Variants in CCDC73 observed in about 807,000 individuals in gnomAD.
The protein encoded by CCDC73 is coiled-coil domain containing 73.
A neutral mutation model predicts 116.5 loss-of-function variants in CCDC73; 95 were observed. The observed-to-expected ratio is 0.82, with a 90% CI of 0.69 to 0.97. CCDC73 has a LOEUF of 0.97. Among genes scored for constraint, CCDC73 ranks in the 50% least tolerant of loss-of-function variants. CCDC73 has a pLI of 0.00. For missense variants in CCDC73, 1,066 were observed against 1,206.8 expected (o/e 0.88, Z 1.73); for synonymous variants, 398 against 401.3 (o/e 0.99, Z 0.10).
At chr11:32,639,410 A>C (rs1855712244) in intron 13 of CCDC73, among the ~76,000 whole-genome samples, 1 of 152,060 alleles carries the variant, frequency 6.6e-6, no homozygotes, top group African/African-American at 2.4e-5. Flanking sequence ...AGTGTCTAAC[A>C]CATAGTATAT....
chr11:32,603,522 C>T (rs1855304707), intron 17 of CCDC73: 1 of 152,236 alleles, frequency 6.6e-6, no homozygotes, highest in Non-Finnish European at 1.5e-5. Context: ...GTATTATTTG[C>T]TGCTAGCGTT....
rs1855471537 is a variant in CCDC73 at position 32,616,098 on chromosome 11, T to C, written c.1217A>G (p.Glu406Gly). 5 of 1,582,224 alleles carry C rather than the reference T, an allele frequency of 3.2e-6. No homozygotes were observed. Among genetic ancestry groups the C allele is most frequent in the Non-Finnish European group, 4.3e-6 (5 of 1,169,122 alleles). Residue 406 changes from glutamate to glycine, a missense_variant, in exon 15 of 18, where the codon GAA (glutamate) becomes GGA (glycine). By Grantham distance (98) the Glu-to-Gly change is moderately conservative (BLOSUM62 -2). Coordinates refer to ENST00000335185, the MANE Select transcript of CCDC73 (RefSeq NM_001008391.4). ...NVPEVNNENS[E>G]MSTEKSENTI... Reference sequence around the variant, plus strand: ...GTTTTCTGATTTTTCAGTTGACATTTCACTGTTTTCATTATTTACTTCTGG... The same window carrying C: ...GTTTTCTGATTTTTCAGTTGACATTCCACTGTTTTCATTATTTACTTCTGG...
chr11:32,782,593 TA>T (rs1430671485), intron 1 of CCDC73, among the ~76,000 whole-genome samples: 1 of 152,172 alleles, frequency 6.6e-6, no homozygotes, highest in Admixed American at 6.5e-5. Flanking sequence ...GTGTCTAATT[TA>T]AAAGACAAAG....
the CCDC73 span, among the ~76,000 whole-genome samples, chr11:32,818,957 G>A: frequency 1.3e-5 from 2 of 152,076 alleles, no homozygotes; most frequent in African/African-American, 4.8e-5. Context: ...CTTCTTTTGG[G>A]GGCCATGAAA....
At chr11:32,801,031 C>G in the CCDC73 span, among the ~76,000 whole-genome samples, 1 of 152,100 alleles carries the variant, frequency 6.6e-6, no homozygotes, top group South Asian at 2.1e-4. Flanking sequence ...TTGTTTTGCC[C>G]TCCTCCAGTG....
At chr11:32,655,120 G>GA (rs1855860484) in intron 9 of CCDC73, 148 bp from the exon 10 acceptor site, 1 of 95,036 alleles carries the variant, frequency 1.1e-5, no homozygotes, top group Non-Finnish European at 2.0e-5. Flanking sequence ...GATTAGCCAA[G>GA]GTGGGAACAT....
intron 1 of CCDC73, among the ~76,000 whole-genome samples, chr11:32,766,638 C>A (rs1347427515): frequency 6.6e-6 from 1 of 152,152 alleles, no homozygotes; most frequent in Non-Finnish European, 1.5e-5. Flanking sequence ...AATACAAAAT[C>A]AATGTGCAAA....
Position 32,612,843 on chromosome 11 carries a change from TC to T in CCDC73, c.2896+578del, listed in dbSNP as rs34529090. Among the ~76,000 whole-genome samples the T allele has an allele frequency of 2.0e-5, 3 of 152,090 alleles. No individual in the cohort carries two copies. The South Asian group carries it at 6.2e-4, about 32-fold the overall frequency. On this transcript the variant is annotated intron_variant, in intron 16 of 17. Coordinates refer to ENST00000335185, the MANE Select transcript of CCDC73 (RefSeq NM_001008391.4). ...CATATGTATTTCATCCATTTACCTCTCCCCCCATTTTTTCTGGAGTATTTTA... is the reference window on the plus strand; with the variant it reads ...CATATGTATTTCATCCATTTACCTCTCCCCCATTTTTTCTGGAGTATTTTA...
At chr11:32,758,881 G>A (rs1324536606) in intron 2 of CCDC73, among the ~76,000 whole-genome samples, 1 of 152,032 alleles carries the variant, frequency 6.6e-6, no homozygotes, top group African/African-American at 2.4e-5. Context: ...ACCATTTTTA[G>A]CAGAATTTCA....
At chr11:32,690,984 C>T (rs1004868271) in intron 6 of CCDC73, among the ~76,000 whole-genome samples, 1 of 151,826 alleles carries the variant, frequency 6.6e-6, no homozygotes, top group East Asian at 1.9e-4. Flanking sequence ...AGTATTTTTA[C>T]TGCCCTAAAA....
intron 13 of CCDC73, among the ~76,000 whole-genome samples, chr11:32,636,632 G>C (rs1027987259): frequency 5.3e-5 from 8 of 151,946 alleles, no homozygotes; most frequent in African/African-American, 1.9e-4. Flanking sequence ...AATTCCACTA[G>C]TGCTTGTAAT....
At chr11:32,818,053 C>G in the CCDC73 span, among the ~76,000 whole-genome samples, 1 of 152,186 alleles carries the variant, frequency 6.6e-6, no homozygotes, top group African/African-American at 2.4e-5. Flanking sequence ...GTCCTTTCAC[C>G]TAGTTGGCCT....
chr11:32,827,139 C>A, the CCDC73 span, among the ~76,000 whole-genome samples: 2 of 152,140 alleles, frequency 1.3e-5, no homozygotes, highest in African/African-American at 4.8e-5. Flanking sequence ...GCTGAGGTTA[C>A]AGGTGTGAGC....
intron 14 of CCDC73, among the ~76,000 whole-genome samples, chr11:32,631,542 T>C (rs949112143): frequency 6.6e-6 from 1 of 151,500 alleles, no homozygotes; most frequent in African/African-American, 2.4e-5. Flanking sequence ...CTAAAATATT[T>C]TGAGCCTGGG....
At chr11:32,821,934 G>A in the CCDC73 span, among the ~76,000 whole-genome samples, 4 of 152,240 alleles carry the variant, frequency 2.6e-5, no homozygotes, top group East Asian at 1.9e-4. Context: ...AAAAATCTCC[G>A]TGGACAGGAT....
intron 9 of CCDC73, among the ~76,000 whole-genome samples, chr11:32,673,588 T>C (rs957478082): frequency 3.3e-5 from 5 of 152,076 alleles, no homozygotes; most frequent in East Asian, 1.9e-4. Context: ...CTAAAAAATA[T>C]AGGTGAGGTT....
At chr11:32,768,492 A>T (rs922260947) in intron 1 of CCDC73, among the ~76,000 whole-genome samples, 4 of 152,144 alleles carry the variant, frequency 2.6e-5, no homozygotes, top group Non-Finnish European at 5.9e-5. Context: ...AAAATAAAAT[A>T]AAAAAAGAAA....
At chr11:32,812,437 G>A in the CCDC73 span, among the ~76,000 whole-genome samples, 5 of 152,102 alleles carry the variant, frequency 3.3e-5, no homozygotes, top group African/African-American at 9.7e-5. Context: ...AGGCCGAGGC[G>A]GGTGGATCAC....
the CCDC73 span, among the ~76,000 whole-genome samples, chr11:32,807,610 G>A: frequency 7.5e-6 from 1 of 132,544 alleles, no homozygotes; most frequent in African/African-American, 2.8e-5. Flanking sequence ...TTTTTTTTTA[G>A]CTCAGCAGCT....
Sources: allele counts gnomAD v4.1 joint callset (sites outside exome capture counted in the v4.1 genomes callset), GRCh38; gene constraint gnomAD v4.1.1; transcripts MANE v1.5; gene names NCBI Gene and HGNC (gene_info 2026-07-23, HGNC 2026-07-21).